Variants in BBX observed in about 807,000 individuals in gnomAD.
BBX encodes HMG box transcription factor BBX.
Under a neutral mutation model 100.2 loss-of-function variants are expected in BBX, and 30 were observed. That is an observed-to-expected ratio of 0.30 (90% CI 0.22 to 0.41). The LOEUF is 0.41. Ranked by LOEUF, BBX falls within the 10% of genes least tolerant of loss-of-function variation. The pLI is 1.00. For synonymous variants in BBX, 376 were observed against 388.1 expected, an observed-to-expected ratio of 0.97 and a Z score of 0.37; for missense variants, 1,023 against 1,129.8, an observed-to-expected ratio of 0.91 and a Z score of 1.35.
intron 2 of BBX, among the ~76,000 whole-genome samples, chr3:107,535,002 T>C (rs1576203766): frequency 6.6e-6 from 1 of 152,206 alleles, no homozygotes; most frequent in Non-Finnish European, 1.5e-5. Flanking sequence ...TTTATTACTT[T>C]ATTTTTCACA....
intron 4 of BBX, 103 bp downstream of exon 4, chr3:107,710,725 C>T (rs1400121675): frequency 1.8e-6 from 2 of 1,084,462 alleles, no homozygotes; most frequent in Non-Finnish European, 2.6e-6. Context: ...TTTCCAAAAG[C>T]CTGTATAGCT....
chr3:107,663,725 A>G (rs1005040135), intron 3 of BBX, among the ~76,000 whole-genome samples: 1 of 151,896 alleles, frequency 6.6e-6, no homozygotes, highest in Admixed American at 6.6e-5. Flanking sequence ...ATATATGTAT[A>G]ATCTTTTATT....
chr3:107,618,563 T>A (rs1477201408), intron 2 of BBX, among the ~76,000 whole-genome samples: 1 of 152,064 alleles, frequency 6.6e-6, no homozygotes, highest in African/African-American at 2.4e-5. Context: ...AGCATTGCGT[T>A]TCCTGTTCTA....
rs1429996303 is a variant in BBX at position 107,807,791 on chromosome 3, A to C, written c.*2334A>C. 1 of 151,378 alleles carries C rather than the reference A, an allele frequency of 6.6e-6. No homozygotes were observed. Among genetic ancestry groups the C allele is most frequent in the Non-Finnish European group, 1.5e-5 (1 of 67,874 alleles). The allele number at this position is 151,378 out of a possible 1,614,324, so 9.4% of individuals were successfully genotyped here. On this transcript the variant is annotated 3_prime_UTR_variant, in exon 18 of 18. Coordinates refer to ENST00000325805, the MANE Select transcript of BBX (RefSeq NM_001142568.3). ...ACTTGATCTGCTTTTCCTAAACCTC[A>C]GTGGCTTTTCCCTTAGGCAGGGTTG...
intron 15 of BBX, among the ~76,000 whole-genome samples, chr3:107,793,803 A>G (rs761156275): frequency 6.6e-6 from 1 of 152,142 alleles, no homozygotes; most frequent in African/African-American, 2.4e-5. Context: ...GATGACTTCA[A>G]GTTCACTGTG....
intron 5 of BBX, 131 bp from the exon 6 acceptor site, chr3:107,728,634 A>T: frequency 1.4e-6 from 1 of 731,498 alleles, no homozygotes; most frequent in Non-Finnish European, 2.3e-6. Flanking sequence ...TTCTTCTACA[A>T]GGAGAGCCAC....
chr3:107,684,779 T>C (rs1275836664), intron 3 of BBX: 1 of 152,252 alleles, frequency 6.6e-6, no homozygotes, highest in African/African-American at 2.4e-5. Flanking sequence ...AGAGTAACTT[T>C]GCAATTGCAA....
intron 2 of BBX, among the ~76,000 whole-genome samples, chr3:107,584,394 ATAG>A (rs1202773317): frequency 2.0e-5 from 3 of 149,298 alleles, no homozygotes; most frequent in African/African-American, 7.4e-5. Context: ...AGAATTAAAA[ATAG>A]TAGTTGTCAA....
chr3:107,693,491 C>T (rs1189022275), intron 3 of BBX, among the ~76,000 whole-genome samples: 2 of 151,120 alleles, frequency 1.3e-5, no homozygotes, highest in African/African-American at 4.9e-5. Context: ...TCAGGTTTGT[C>T]AAAGATCAGA....
At chr3:107,729,556 A>G in intron 6 of BBX, among the ~76,000 whole-genome samples, 1 of 152,194 alleles carries the variant, frequency 6.6e-6, no homozygotes, top group South Asian at 2.1e-4. Flanking sequence ...GTGGTAAGGT[A>G]TGCTAAATCA....
intron 10 of BBX, among the ~76,000 whole-genome samples, chr3:107,756,089 A>G (rs2065451906): frequency 6.6e-6 from 1 of 152,138 alleles, no homozygotes; most frequent in Non-Finnish European, 1.5e-5. Flanking sequence ...TGAAGAATTC[A>G]TATGACATGT....
intron 5 of BBX, 69 bp from the exon 6 acceptor site, chr3:107,728,696 G>T (rs531625202): frequency 2.9e-6 from 4 of 1,393,452 alleles, no homozygotes; most frequent in South Asian, 1.3e-5. Context: ...GGGGAATGGG[G>T]TGACAGCCTT....
intron 2 of BBX, among the ~76,000 whole-genome samples, chr3:107,562,676 GT>G (rs199646680): frequency 2.0e-5 from 3 of 151,494 alleles, no homozygotes; most frequent in Admixed American, 1.3e-4. Flanking sequence ...TTACAAAACT[GT>G]TTTTTTTACA....
chr3:107,743,464 G>A (rs557670082), intron 7 of BBX, among the ~76,000 whole-genome samples: 14 of 152,320 alleles, frequency 9.2e-5, no homozygotes, highest in African/African-American at 3.1e-4. Flanking sequence ...ACCACAGGTG[G>A]CAAATTAATA....
intron 17 of BBX, among the ~76,000 whole-genome samples, chr3:107,803,697 C>CA (rs1388151836): frequency 1.3e-5 from 2 of 152,156 alleles, no homozygotes; most frequent in Admixed American, 6.5e-5. Flanking sequence ...AGCACACAGC[C>CA]AATTTGTGCC....
In BBX at chr3:107,541,562, A is replaced by T. The variant is rs148981332; in HGVS notation, c.-84+15164A>T. Among the ~76,000 whole-genome samples, 1,053 of 152,314 alleles carry T rather than the reference A, an allele frequency of 6.9e-3. 7 individuals are homozygous for T. The highest frequency in any genetic ancestry group is 8.6e-3 in the Admixed American group (132 of 15,298). On this transcript the variant is annotated intron_variant, in intron 2 of 17. Coordinates refer to ENST00000325805, the MANE Select transcript of BBX (RefSeq NM_001142568.3). ...AACTTTTTTCACAACTTGTGATGGC[A>T]AATTAAATGTATAGTGACCACATAC...
chr3:107,708,172 G>T (rs559697790), intron 3 of BBX, among the ~76,000 whole-genome samples: 6 of 152,176 alleles, frequency 3.9e-5, no homozygotes, highest in African/African-American at 1.4e-4. Context: ...TTGTTAAATG[G>T]ACTATCAATT....
In BBX at chr3:107,692,201, T is replaced by A. The variant is rs531339322; in HGVS notation, c.-9-18251T>A. Among the ~76,000 whole-genome samples the A allele has an allele frequency of 3.3e-5, 5 of 150,596 alleles. No homozygotes were observed. In the East Asian group the frequency reaches 7.7e-4, roughly 23 times the overall value. On this transcript the variant is annotated intron_variant, in intron 3 of 17. Transcript: ENST00000325805. ...TTATTTATTTATTTATTTATTTATT[T>A]ATTATTATTATACTTTAAGTTTTAG...
intron 2 of BBX, among the ~76,000 whole-genome samples, chr3:107,556,616 C>A (rs966677862): frequency 6.6e-6 from 1 of 152,124 alleles, no homozygotes; most frequent in Non-Finnish European, 1.5e-5. Context: ...TTAGGAAATG[C>A]GTGTTAAGGC....
Sources: allele counts gnomAD v4.1 joint callset (sites outside exome capture counted in the v4.1 genomes callset), GRCh38; gene constraint gnomAD v4.1.1; transcripts MANE v1.5; gene names NCBI Gene and HGNC (gene_info 2026-07-23, HGNC 2026-07-21).